DDX10: variants seen among roughly 807,000 people sequenced by gnomAD.
DDX10 encodes DEAD-box helicase 10.
DDX10 carries 74 observed loss-of-function variants against 104.3 expected under a neutral mutation model. That is an observed-to-expected ratio of 0.71 (90% CI 0.59 to 0.86). The LOEUF (loss-of-function observed/expected upper bound fraction) is 0.86. DDX10 is among the 40% of genes least tolerant of loss of function. The probability of loss-of-function intolerance (pLI) is 0.00; values close to 1 mark genes in which losing one functional copy is unlikely to be tolerated. For missense variants in DDX10, 952 were observed against 1,040.0 expected (o/e 0.92, Z 1.16); for synonymous variants, 351 against 353.4 (o/e 0.99, Z 0.08).
intron 13 of DDX10, among the ~76,000 whole-genome samples, chr11:108,740,735 G>T (rs1393671034): frequency 6.6e-6 from 1 of 152,052 alleles, no homozygotes; most frequent in Non-Finnish European, 1.5e-5. Flanking sequence ...CTAATGATTA[G>T]GGATGTTGAG....
intron 13 of DDX10, among the ~76,000 whole-genome samples, chr11:108,801,191 C>T (rs575206805): frequency 7.2e-5 from 11 of 152,284 alleles, no homozygotes; most frequent in African/African-American, 2.6e-4. Flanking sequence ...AAATGCTTAA[C>T]TGGACTGTGT....
chr11:108,701,748 G>A (rs186794991), intron 9 of DDX10, among the ~76,000 whole-genome samples: 3 of 142,112 alleles, frequency 2.1e-5, no homozygotes, highest in African/African-American at 5.3e-5. Flanking sequence ...GTGCAGTGGC[G>A]CGATCTTGGC....
chr11:108,888,208 A>G (rs1344158051), intron 16 of DDX10, among the ~76,000 whole-genome samples: 1 of 152,188 alleles, frequency 6.6e-6, no homozygotes, highest in African/African-American at 2.4e-5. Context: ...GCCATAAACC[A>G]TAAAAAAAAC....
intron 10 of DDX10, among the ~76,000 whole-genome samples, chr11:108,707,132 A>C (rs2094277247): frequency 6.6e-6 from 1 of 152,126 alleles, no homozygotes; most frequent in Non-Finnish European, 1.5e-5. Context: ...ACCAAGGTCC[A>C]TAGTTTACAC....
At chr11:108,787,226 G>A (rs1281889987) in intron 13 of DDX10, among the ~76,000 whole-genome samples, 1 of 152,136 alleles carries the variant, frequency 6.6e-6, no homozygotes, top group Non-Finnish European at 1.5e-5. Context: ...TAAACTGATG[G>A]CGTTCCCTCT....
At chr11:108,883,333 T>C (rs536737542) in intron 16 of DDX10, among the ~76,000 whole-genome samples, 1 of 152,180 alleles carries the variant, frequency 6.6e-6, no homozygotes, top group Non-Finnish European at 1.5e-5. Context: ...TTTTGTTATA[T>C]CATATTCTTT....
intron 16 of DDX10, among the ~76,000 whole-genome samples, chr11:108,913,499 C>A (rs148852783): frequency 0.039 from 6,009 of 152,128 alleles, 157 homozygotes; most frequent in South Asian, 0.086. Flanking sequence ...ACTTTGAGTT[C>A]TGTCTGTCCT....
At chr11:108,758,767 T>C (rs1422574849) in intron 13 of DDX10, among the ~76,000 whole-genome samples, 6 of 152,092 alleles carry the variant, frequency 3.9e-5, no homozygotes, top group South Asian at 4.1e-4. Context: ...TTTGATTACA[T>C]TGGACTCATC....
intron 9 of DDX10, among the ~76,000 whole-genome samples, chr11:108,703,475 G>T (rs368882145): frequency 1.3e-5 from 2 of 151,994 alleles, no homozygotes; most frequent in African/African-American, 4.8e-5. Context: ...GACTACAGCC[G>T]TGTGCCACCA....
intron 1 of DDX10, among the ~76,000 whole-genome samples, chr11:108,667,705 C>T (rs75431318): frequency 0.015 from 2,320 of 152,278 alleles, 45 homozygotes; most frequent in Middle Eastern, 0.051. Context: ...GCTTCTCATC[C>T]TGGTACTTGA....
intron 15 of DDX10, among the ~76,000 whole-genome samples, chr11:108,849,042 A>G (rs1862757472): frequency 6.6e-6 from 1 of 152,156 alleles, no homozygotes; most frequent in Non-Finnish European, 1.5e-5. Flanking sequence ...ATTTATACAT[A>G]GAAGTCCACT....
chr11:108,880,559 T>C (rs959141383), intron 16 of DDX10, among the ~76,000 whole-genome samples: 4 of 152,166 alleles, frequency 2.6e-5, no homozygotes, highest in Non-Finnish European at 5.9e-5. Context: ...CTGGTAAATA[T>C]GATAGCAGAT....
intron 16 of DDX10, among the ~76,000 whole-genome samples, chr11:108,909,849 A>G (rs1863645176): frequency 1.3e-5 from 2 of 152,216 alleles, no homozygotes; most frequent in Non-Finnish European, 2.9e-5. Context: ...AAGAAGCAGC[A>G]GAGGGTGTTC....
intron 16 of DDX10, among the ~76,000 whole-genome samples, chr11:108,878,840 ATTAT>A (rs1331389377): frequency 6.6e-6 from 1 of 151,984 alleles, no homozygotes; most frequent in Non-Finnish European, 1.5e-5. Context: ...ACTTAGAAAG[ATTAT>A]TTAACTGCTC....
chr11:108,872,405 T>C lies in DDX10; in HGVS notation c.2304+20196T>C, dbSNP rs944032091. 2.6e-5 allele frequency among the ~76,000 whole-genome samples: 4 copies of C among 152,172 alleles called. No individual in the cohort carries two copies. The South Asian group carries it at 8.3e-4, about 32-fold the overall frequency. On this transcript the variant is annotated intron_variant, in intron 16 of 17. Transcript: ENST00000322536. The stretch of plus-strand genomic sequence containing the variant: ...CAAATTGATACAAGCATAAAATACT[T>C]AAGAAAACAGCCCTCATTCCCTTGA...
Position 108,770,451 on chromosome 11 carries a change from C to T in DDX10, c.1965+46989C>T, listed in dbSNP as rs556005671. On this transcript the variant is annotated intron_variant, in intron 13 of 17. Transcript: ENST00000322536. ...AAATAGTAGGTCTTATTCATTCTTT[C>T]TAACCACTTTTTTTTTGTACTCATT... 3.3e-5 allele frequency among the ~76,000 whole-genome samples: 5 copies of T among 151,560 alleles called. No individual in the cohort carries two copies. The East Asian group carries it at 9.7e-4, about 29-fold the overall frequency.
intron 13 of DDX10, among the ~76,000 whole-genome samples, chr11:108,737,492 A>G (rs1184086095): frequency 6.6e-6 from 1 of 152,224 alleles, no homozygotes; most frequent in African/African-American, 2.4e-5. Context: ...GTTTTGTTAC[A>G]GTTCTAATAA....
intron 16 of DDX10, among the ~76,000 whole-genome samples, chr11:108,903,267 T>C (rs1249543450): frequency 1.3e-5 from 2 of 152,178 alleles, no homozygotes; most frequent in Non-Finnish European, 2.9e-5. Context: ...TCTGTCTCCA[T>C]GATCTGTCTA....
intron 17 of DDX10, chr11:108,921,345 G>A (rs767521176): frequency 9.9e-5 from 15 of 152,154 alleles, no homozygotes; most frequent in Non-Finnish European, 1.9e-4. Flanking sequence ...TTGCATAGTA[G>A]CGCCAGTAAA....
Sources: gnomAD v4.1 joint callset for allele counts (sites outside exome capture counted in the v4.1 genomes callset) on GRCh38, gnomAD v4.1.1 for gene constraint, MANE v1.5 for transcripts, NCBI Gene and HGNC (gene_info 2026-07-23, HGNC 2026-07-21) for gene names.